The following BPIFB1 variants were observed in gnomAD, a reference collection of about 807,000 sequenced individuals.
The protein encoded by BPIFB1 is BPI fold containing family B member 1, also known as BPI fold-containing family B member 1.
In BPIFB1, 34 loss-of-function variants were observed where a neutral mutation model predicts 55.1. The ratio of observed to expected loss-of-function variants is 0.62; its 90% CI spans 0.47 to 0.82. The LOEUF is 0.82. Among genes scored for constraint, BPIFB1 ranks in the 40% least tolerant of loss-of-function variants. BPIFB1 has a pLI of 0.00. For synonymous variants in BPIFB1, 236 were observed against 245.3 expected (o/e 0.96, Z 0.35); for missense variants, 532 against 593.1 (o/e 0.90, Z 1.07).
intron 3 of BPIFB1, among the ~76,000 whole-genome samples, chr20:33,289,240 G>T (rs1207651155): frequency 6.6e-6 from 1 of 152,222 alleles, no homozygotes; most frequent in Admixed American, 6.5e-5. Context: ...AATTAGCCAG[G>T]CATGGTGGCA....
chr20:33,293,385 C>T (rs919648587), intron 6 of BPIFB1, among the ~76,000 whole-genome samples: 2 of 152,084 alleles, frequency 1.3e-5, no homozygotes, highest in Admixed American at 6.6e-5. Context: ...TTGGTGTCAG[C>T]CTTTAAATCA....
In BPIFB1 at chr20:33,289,984, A is replaced by T. The variant is rs1568647410; in HGVS notation, c.357A>T (p.Gly119=). ...LVKIPLDMVA[G]FNTPLVKTIV... The stretch of plus-strand genomic sequence containing the variant: ...AGATCCCCCTGGACATGGTGGCTGG[A>T]TTCAACACGTGAGTGACCCCTCCAT... The change falls in exon 4 of 16, where the codon GGA becomes GGT. Residue 119 remains glycine, a synonymous_variant. Coordinates refer to ENST00000253354, the MANE Select transcript of BPIFB1 (RefSeq NM_033197.3). 6.2e-7 allele frequency: 1 copy of T among 1,613,946 alleles called. No homozygotes were observed. The highest frequency in any genetic ancestry group is 8.5e-7 in the Non-Finnish European group (1 of 1,179,804).
intron 7 of BPIFB1, among the ~76,000 whole-genome samples, chr20:33,299,473 G>C (rs1457907858): frequency 6.6e-6 from 1 of 152,218 alleles, no homozygotes; most frequent in Non-Finnish European, 1.5e-5. Context: ...CTGCATGGGG[G>C]ACGCGGCTTT....
intron 1 of BPIFB1, among the ~76,000 whole-genome samples, chr20:33,284,241 T>C (rs1197445630): frequency 6.6e-6 from 1 of 152,188 alleles, no homozygotes; most frequent in East Asian, 1.9e-4. Context: ...TTGTCAAAGA[T>C]CACAGAGCAA....
chr20:33,295,429 A>C (rs1980605092), intron 6 of BPIFB1, among the ~76,000 whole-genome samples: 2 of 151,948 alleles, frequency 1.3e-5, no homozygotes, highest in African/African-American at 4.8e-5. Context: ...AACATGGTGA[A>C]ATCCCATCTC....
chr20:33,290,396 A>G lies in BPIFB1; in HGVS notation c.365+404A>G, dbSNP rs961260871. Among the ~76,000 whole-genome samples, 28 of 152,194 alleles carry G rather than the reference A, an allele frequency of 1.8e-4. 1 individual carries two copies. The highest frequency in any genetic ancestry group is 4.4e-5 in the Non-Finnish European group (3 of 68,028). ...GGGTAAGAGTGGAGACAGGAAGGCTATCCCAAAGCTACTGCAACAATTCAG... is the reference window on the plus strand; with the variant it reads ...GGGTAAGAGTGGAGACAGGAAGGCTGTCCCAAAGCTACTGCAACAATTCAG... On this transcript the variant is annotated intron_variant, in intron 4 of 15. Coordinates refer to ENST00000253354, the MANE Select transcript of BPIFB1 (RefSeq NM_033197.3).
intron 12 of BPIFB1, 137 bp from the exon 13 acceptor site, chr20:33,304,709 G>A (rs192971367): frequency 2.3e-5 from 19 of 838,724 alleles, no homozygotes; most frequent in South Asian, 5.9e-5. Flanking sequence ...GCTCCACGAC[G>A]CAAGGGCTTC....
intron 10 of BPIFB1, chr20:33,302,630 A>T: frequency 4.6e-6 from 3 of 653,484 alleles, no homozygotes; most frequent in Non-Finnish European, 8.1e-6. Context: ...GTAACACAGG[A>T]CAGGTTCTAG....
At chr20:33,293,783 G>A (rs928354524) in intron 6 of BPIFB1, among the ~76,000 whole-genome samples, 27 of 152,208 alleles carry the variant, frequency 1.8e-4, no homozygotes, top group Admixed American at 6.5e-4. Flanking sequence ...TGAGGCTGCA[G>A]TGAGTCACAG....
At chr20:33,297,743 A>G in intron 7 of BPIFB1, 155 bp downstream of exon 7, 1 of 762,330 alleles carries the variant, frequency 1.3e-6, no homozygotes, top group Non-Finnish European at 2.3e-6. Flanking sequence ...CCTGCCCCAG[A>G]CGCGCAGACA....
rs1980413834 is a variant in BPIFB1 at position 33,290,083 on chromosome 20, A to G, written c.365+91A>G. 8 of 1,018,058 alleles carry G rather than the reference A, an allele frequency of 7.9e-6. No individual in the cohort carries two copies. The East Asian group carries it at 2.0e-4, about 25-fold the overall frequency. 63.1% of individuals were successfully genotyped at this position (1,018,058 alleles called of 1,614,324 possible). ...CCCCCACCATGCAGGTGTCTGGAAA[A>G]GAGAGTTCCGAGCAGAGAGAAGAGC... On this transcript the variant is annotated intron_variant, in intron 4 of 15. Coordinates refer to ENST00000253354, the MANE Select transcript of BPIFB1 (RefSeq NM_033197.3).
intron 13 of BPIFB1, among the ~76,000 whole-genome samples, chr20:33,305,316 C>CTTTT (rs34490442): frequency 1.5e-4 from 16 of 106,204 alleles, no homozygotes; most frequent in African/African-American, 1.9e-4. Flanking sequence ...CTATTTTTGA[C>CTTTT]TTTTTTTTTT....
Position 33,306,766 on chromosome 20 carries a change from G to A in BPIFB1, c.1319-145G>A, listed in dbSNP as rs554379332. Reference sequence around the variant, plus strand: ...TAGACGAGGCTGGGTCAATGCTGGGGCCAGAGAACAGGCGAGCAGAGGCAG... The same window carrying A: ...TAGACGAGGCTGGGTCAATGCTGGGACCAGAGAACAGGCGAGCAGAGGCAG... On this transcript the variant is annotated intron_variant, in intron 14 of 15. Coordinates refer to ENST00000253354, the MANE Select transcript of BPIFB1 (RefSeq NM_033197.3). 1.3e-4 allele frequency: 91 copies of A among 707,260 alleles called. No individual in the cohort carries two copies. In the Admixed American group the frequency reaches 1.9e-3, roughly 15 times the overall value. 43.8% of individuals were successfully genotyped at this position (707,260 alleles called of 1,614,324 possible). A position where few individuals can be genotyped will look rare whatever the true frequency, so the allele number is the denominator to read the frequency against.
chr20:33,304,986 G>A, intron 13 of BPIFB1, 95 bp downstream of exon 13: 3 of 1,428,608 alleles, frequency 2.1e-6, no homozygotes, highest in Non-Finnish European at 3.0e-6. Flanking sequence ...TTCAAACAAG[G>A]TCCCCACAGA....
intron 11 of BPIFB1, 53 bp downstream of exon 11, chr20:33,303,127 A>G (rs1330830880): frequency 6.2e-7 from 1 of 1,600,132 alleles, no homozygotes; most frequent in Non-Finnish European, 8.5e-7. Flanking sequence ...CCTTCTGTCT[A>G]CTTTTCCTGT....
intron 15 of BPIFB1, chr20:33,307,377 CCCTAA>C (rs1981066695): frequency 5.4e-6 from 1 of 184,898 alleles, no homozygotes; most frequent in African/African-American, 2.4e-5. Context: ...GATACACAAG[CCCTAA>C]AGATGTAACA....
intron 6 of BPIFB1, among the ~76,000 whole-genome samples, chr20:33,295,212 C>T (rs151289217): frequency 0.014 from 1,946 of 136,054 alleles, 57 homozygotes; most frequent in African/African-American, 0.058. Flanking sequence ...GAAACTCTAT[C>T]TCAAAAAAAA....
intron 8 of BPIFB1, 57 bp downstream of exon 8, chr20:33,300,041 A>T: frequency 2.1e-6 from 3 of 1,448,256 alleles, no homozygotes; most frequent in South Asian, 1.1e-5. Context: ...TTCTCTGACC[A>T]CCAGGAGTCA....
chr20:33,287,214 A>G (rs1377717448), intron 2 of BPIFB1, among the ~76,000 whole-genome samples: 2 of 152,338 alleles, frequency 1.3e-5, no homozygotes, highest in African/African-American at 4.8e-5. Flanking sequence ...AGGCTCTCCT[A>G]TAAGGAGTTG....
Sources: allele counts gnomAD v4.1 joint callset (sites outside exome capture counted in the v4.1 genomes callset), GRCh38; gene constraint gnomAD v4.1.1; transcripts MANE v1.5; gene names NCBI Gene and HGNC (gene_info 2026-07-23, HGNC 2026-07-21).